ADAMTS17: variants seen among roughly 807,000 people sequenced by gnomAD.
The protein encoded by ADAMTS17 is A disintegrin and metalloproteinase with thrombospondin motifs 17.
ADAMTS17 carries 113 observed loss-of-function variants against 141.5 expected under a neutral mutation model. The observed-to-expected ratio is 0.80, with a 90% CI of 0.69 to 0.93. ADAMTS17 has a LOEUF of 0.93. Ranked by LOEUF, ADAMTS17 falls within the 40% of genes least tolerant of loss-of-function variation. The pLI, the probability that ADAMTS17 is intolerant of heterozygous loss-of-function variation, is 0.00. For synonymous variants in ADAMTS17, 768 were observed against 630.6 expected (o/e 1.22, Z -3.27); for missense variants, 1,659 against 1,517.9 (o/e 1.09, Z -1.54).
chr15:100,316,144 G>T (rs192581168), intron 3 of ADAMTS17, among the ~76,000 whole-genome samples: 1 of 152,306 alleles, frequency 6.6e-6, no homozygotes, highest in Non-Finnish European at 1.5e-5. Flanking sequence ...CATTTTGAGA[G>T]GGTTAGGGCC....
At chr15:100,262,246 G>T in intron 5 of ADAMTS17, 106 bp downstream of exon 5, 1 of 1,006,764 alleles carries the variant, frequency 9.9e-7, no homozygotes. Flanking sequence ...AGAGAGTGAC[G>T]GAGACTGGCA....
chr15:100,315,173 G>A (rs1258713686), intron 3 of ADAMTS17, among the ~76,000 whole-genome samples: 1 of 152,220 alleles, frequency 6.6e-6, no homozygotes, highest in Admixed American at 6.5e-5. Flanking sequence ...GGCAGGCAGC[G>A]TGGCAGGTGG....
At chr15:100,285,620 A>G (rs1056971355) in intron 3 of ADAMTS17, among the ~76,000 whole-genome samples, 2 of 152,298 alleles carry the variant, frequency 1.3e-5, no homozygotes, top group Admixed American at 1.3e-4. Context: ...CCTGGGGAAG[A>G]GTTGAGTTGA....
At chr15:100,313,396 A>G (rs1002551319) in intron 3 of ADAMTS17, among the ~76,000 whole-genome samples, 2 of 152,250 alleles carry the variant, frequency 1.3e-5, no homozygotes, top group Non-Finnish European at 2.9e-5. Flanking sequence ...AATATGCCAC[A>G]TTAATATATC....
intron 13 of ADAMTS17, among the ~76,000 whole-genome samples, chr15:100,111,065 C>T (rs1443952944): frequency 2.6e-5 from 4 of 152,166 alleles, no homozygotes; most frequent in African/African-American, 9.7e-5. Flanking sequence ...TGGGGGTAAA[C>T]ATCTGCCCAC....
intron 7 of ADAMTS17, among the ~76,000 whole-genome samples, chr15:100,221,861 G>A (rs567403050): frequency 3.3e-5 from 5 of 152,244 alleles, no homozygotes; most frequent in Admixed American, 1.3e-4. Flanking sequence ...GCCTGTGCTC[G>A]GGGTTGGCCC....
At chr15:100,039,590 C>T (rs985084265) in intron 18 of ADAMTS17, among the ~76,000 whole-genome samples, 4 of 152,184 alleles carry the variant, frequency 2.6e-5, no homozygotes, top group Non-Finnish European at 2.9e-5. Context: ...TGTCATTCCA[C>T]GGTGGCCAGA....
intron 13 of ADAMTS17, among the ~76,000 whole-genome samples, chr15:100,114,303 G>C (rs1037694096): frequency 1.8e-4 from 27 of 152,058 alleles, no homozygotes; most frequent in African/African-American, 6.5e-4. Flanking sequence ...GGCTTCAGAA[G>C]AGCCCGGAGC....
intron 14 of ADAMTS17, among the ~76,000 whole-genome samples, chr15:100,097,675 T>G (rs1034821369): frequency 6.6e-6 from 1 of 152,232 alleles, no homozygotes; most frequent in Non-Finnish European, 1.5e-5. Flanking sequence ...AAACACAAAC[T>G]GCTCTGTCCC....
At position 100,018,608 on chromosome 15, in the gene ADAMTS17, G is replaced by C. The variant is rs1006774343; in HGVS notation, c.2592-21019C>G. ...TTCTCTTTTGCCTTCTGCCATGAGTGTAAGTTTCCTGAGGCCTCTCCAGCT... is the reference window on the plus strand; with the variant it reads ...TTCTCTTTTGCCTTCTGCCATGAGTCTAAGTTTCCTGAGGCCTCTCCAGCT... On this transcript the variant is annotated intron_variant, in intron 18 of 21. Transcript: ENST00000268070. Among the ~76,000 whole-genome samples, 7 of 152,324 alleles carry C rather than the reference G, an allele frequency of 4.6e-5. No individual in the cohort carries two copies. The South Asian group carries it at 1.2e-3, about 27-fold the overall frequency.
intron 17 of ADAMTS17, among the ~76,000 whole-genome samples, chr15:100,049,631 T>C (rs148391698): frequency 6.6e-6 from 1 of 152,258 alleles, no homozygotes; most frequent in Non-Finnish European, 1.5e-5. Context: ...CCCTAAACAC[T>C]GCACGGCCAT....
chr15:100,285,413 C>A lies in ADAMTS17; in HGVS notation c.617-4012G>T, dbSNP rs141245865. Among the ~76,000 whole-genome samples the A allele has an allele frequency of 5.1e-3, 774 of 152,276 alleles. 1 individual carries two copies. The highest frequency in any genetic ancestry group is 7.9e-3 in the Non-Finnish European group (536 of 68,018). On this transcript the variant is annotated intron_variant, in intron 3 of 21. Transcript: ENST00000268070. ...CTATCTCAACTGTGAATTATCAAAG[C>A]TCTGTATGGAACAGATACTCTTTAG...
intron 15 of ADAMTS17, among the ~76,000 whole-genome samples, chr15:100,091,264 C>T (rs1166968413): frequency 6.6e-6 from 1 of 152,064 alleles, no homozygotes; most frequent in South Asian, 2.1e-4. Flanking sequence ...GATACCACCA[C>T]ACTGCCGAAG....
At chr15:100,197,433 G>A (rs2041162020) in intron 8 of ADAMTS17, among the ~76,000 whole-genome samples, 1 of 152,116 alleles carries the variant, frequency 6.6e-6, no homozygotes, top group Non-Finnish European at 1.5e-5. Context: ...CCTTGATGGT[G>A]GGAAGATGTT....
intron 15 of ADAMTS17, among the ~76,000 whole-genome samples, chr15:100,092,452 C>G (rs2035528505): frequency 6.6e-6 from 1 of 152,250 alleles, no homozygotes; most frequent in Non-Finnish European, 1.5e-5. Context: ...TGGGAACAGC[C>G]TCTGCCATCA....
At chr15:100,059,118 G>A (rs534985363) in intron 15 of ADAMTS17, among the ~76,000 whole-genome samples, 1 of 152,330 alleles carries the variant, frequency 6.6e-6, no homozygotes, top group African/African-American at 2.4e-5. Context: ...GCACTCCAAC[G>A]AATTCTGAAG....
intron 7 of ADAMTS17, among the ~76,000 whole-genome samples, chr15:100,233,743 A>G (rs2042564144): frequency 6.6e-6 from 1 of 152,194 alleles, no homozygotes; most frequent in Admixed American, 6.5e-5. Context: ...CGGTGGGAAG[A>G]GAGCGAGTTA....
chr15:100,296,189 T>C (rs2142151708), intron 3 of ADAMTS17, among the ~76,000 whole-genome samples: 1 of 152,216 alleles, frequency 6.6e-6, no homozygotes, highest in East Asian at 1.9e-4. Context: ...CGTACCGAGT[T>C]TGAACACACG....
chr15:100,283,642 C>T (rs763077329), intron 3 of ADAMTS17, among the ~76,000 whole-genome samples: 23 of 152,162 alleles, frequency 1.5e-4, no homozygotes, highest in Non-Finnish European at 2.6e-4. Flanking sequence ...CACACCTTGT[C>T]GTATATTTTT....
Sources: allele counts gnomAD v4.1 joint callset (sites outside exome capture counted in the v4.1 genomes callset), GRCh38; gene constraint gnomAD v4.1.1; transcripts MANE v1.5; gene names NCBI Gene and HGNC (gene_info 2026-07-23, HGNC 2026-07-21).